The following MAP3K1 variants were observed in gnomAD, a reference collection of about 807,000 sequenced individuals.
MAP3K1 encodes mitogen-activated protein kinase kinase kinase 1.
In MAP3K1, 36 loss-of-function variants were observed where a neutral mutation model predicts 144.2. The ratio of observed to expected loss-of-function variants is 0.25; its 90% CI spans 0.19 to 0.33. MAP3K1 has a LOEUF of 0.33. MAP3K1 is among the 10% of genes least tolerant of loss of function. The pLI, the probability that MAP3K1 is intolerant of heterozygous loss-of-function variation, is 1.00. For missense variants in MAP3K1, 1,650 were observed against 1,881.9 expected (o/e 0.88, Z 2.28); for synonymous variants, 718 against 688.7 (o/e 1.04, Z -0.67).
intron 5 of MAP3K1, 130 bp from the exon 6 acceptor site, chr5:56,865,699 T>C: frequency 9.7e-7 from 1 of 1,026,002 alleles, no homozygotes; most frequent in Non-Finnish European, 1.5e-6. Flanking sequence ...AATGTGTTCT[T>C]ATTTTTGAAG....
At chr5:56,884,385 G>T (rs1268063048) in intron 15 of MAP3K1, among the ~76,000 whole-genome samples, 1 of 152,088 alleles carries the variant, frequency 6.6e-6, no homozygotes, top group African/African-American at 2.4e-5. Flanking sequence ...AAATCATGTT[G>T]ATTCTTCTCC....
In MAP3K1 at chr5:56,882,891, T is replaced by C. The variant is rs78385313; in HGVS notation, c.3666+25T>C. On this transcript the variant is annotated intron_variant, in intron 14 of 19. Transcript: ENST00000399503. ...TGTAAGTATAGATTCTTTAAGAGGTTAGAAAACTTCCTTGGGGCTGGGCAC... is the reference window on the plus strand; with the variant it reads ...TGTAAGTATAGATTCTTTAAGAGGTCAGAAAACTTCCTTGGGGCTGGGCAC... 7,580 of 1,576,470 alleles carry C rather than the reference T, an allele frequency of 4.8e-3. 21 individuals carry two copies. Among genetic ancestry groups the C allele is most frequent in the Non-Finnish European group, 6.0e-3 (6,990 of 1,156,432 alleles).
intron 1 of MAP3K1, among the ~76,000 whole-genome samples, chr5:56,824,078 T>C (rs889207363): frequency 7.9e-5 from 12 of 152,202 alleles, no homozygotes; most frequent in African/African-American, 2.4e-4. Flanking sequence ...TGATCATAAT[T>C]CAACTTGGGA....
intron 1 of MAP3K1, among the ~76,000 whole-genome samples, chr5:56,853,078 A>G (rs1747225478): frequency 1.3e-5 from 2 of 152,200 alleles, no homozygotes; most frequent in South Asian, 4.1e-4. Context: ...TTCGTGGCAA[A>G]TACAATAGGA....
At position 56,882,048 on chromosome 5, in the gene MAP3K1, G is replaced by C. The variant is rs2111943513; in HGVS notation, c.2848G>C (p.Glu950Gln). Residue 950 changes from glutamate to glutamine, a missense_variant, in exon 14 of 20, where the codon GAG becomes CAG. Glu to Gln is a conservative substitution (Grantham distance 29). Around this residue, in one of 6 missense-constraint regions of MAP3K1, gnomAD observed 841 missense variants for 886.5 expected, o/e 0.95. Coordinates refer to ENST00000399503, the MANE Select transcript of MAP3K1 (RefSeq NM_005921.2). Reference protein sequence around the residue: ...SSTTTTTTTTEQPKPMVQTKG... With the variant: ...SSTTTTTTTTQQPKPMVQTKG... ...AACAACAACAACAACAACAACAACA[G>C]AGCAACCAAAGCCAATGGTTCAAAC... 1.9e-6 allele frequency: 3 copies of C among 1,608,408 alleles called. No homozygotes were observed. The highest frequency in any genetic ancestry group is 2.5e-6 in the Non-Finnish European group (3 of 1,176,518).
chr5:56,836,208 G>A (rs759430633), intron 1 of MAP3K1, among the ~76,000 whole-genome samples: 9 of 152,074 alleles, frequency 5.9e-5, no homozygotes, highest in South Asian at 4.1e-4. Flanking sequence ...ATTGTTTTCC[G>A]TCCAAGCCCT....
intron 6 of MAP3K1, among the ~76,000 whole-genome samples, chr5:56,867,138 T>C (rs2111897856): frequency 6.6e-6 from 1 of 152,324 alleles, no homozygotes; most frequent in East Asian, 1.9e-4. Flanking sequence ...AGCTCCTTTT[T>C]CCTTTTGAGT....
chr5:56,872,048 C>A lies in MAP3K1; in HGVS notation c.1423+17C>A. ...TGTCAATTTGTATGTGGCTCTTTTT[C>A]TCCCTATGCTTACTCAACACAGTTG... On this transcript the variant is annotated intron_variant, in intron 7 of 19. Transcript: ENST00000399503. 1 of 1,613,832 alleles carries A rather than the reference C, an allele frequency of 6.2e-7. No homozygotes were observed. The highest frequency in any genetic ancestry group is 8.5e-7 in the Non-Finnish European group (1 of 1,179,840).
chr5:56,882,792 T>C lies in MAP3K1; in HGVS notation c.3592T>C (p.Ser1198Pro), dbSNP rs2111948451. 1 of 1,611,844 alleles carries C rather than the reference T, an allele frequency of 6.2e-7. No homozygotes were observed. ...AGCAATTGCCATGGCAATGTCAGCGTCTCAGGATGCCCTCCCCATAGTTCC... is the reference window on the plus strand; with the variant it reads ...AGCAATTGCCATGGCAATGTCAGCGCCTCAGGATGCCCTCCCCATAGTTCC... ...ALAIAMAMSA[S>P]QDALPIVPQL... is the part of the protein sequence containing the mutation. The change falls in exon 14 of 20, where the codon TCT becomes CCT. Residue 1198 changes from serine to proline, a missense_variant. This residue lies in a region of MAP3K1 where 841 missense variants were observed against 886.5 expected (regional missense o/e 0.95). Coordinates refer to ENST00000399503, the MANE Select transcript of MAP3K1 (RefSeq NM_005921.2).
intron 1 of MAP3K1, among the ~76,000 whole-genome samples, chr5:56,831,140 T>C (rs2111781733): frequency 6.6e-6 from 1 of 152,116 alleles, no homozygotes; most frequent in East Asian, 1.9e-4. Flanking sequence ...AGTTCTGTCT[T>C]CTATAACTTT....
chr5:56,834,561 T>C (rs562359456), intron 1 of MAP3K1, among the ~76,000 whole-genome samples: 20 of 152,090 alleles, frequency 1.3e-4, no homozygotes, highest in Non-Finnish European at 2.9e-5. Flanking sequence ...TACAAAAAAT[T>C]AGCTGGGCAT....
intron 3 of MAP3K1, 75 bp downstream of exon 3, chr5:56,859,990 A>G (rs886525284): frequency 7.8e-7 from 1 of 1,275,778 alleles, no homozygotes; most frequent in African/African-American, 1.5e-5. Context: ...AAGACTGGCC[A>G]GCCATCTGTT....
At chr5:56,842,960 T>C (rs900414087) in intron 1 of MAP3K1, among the ~76,000 whole-genome samples, 4 of 152,120 alleles carry the variant, frequency 2.6e-5, no homozygotes, top group African/African-American at 9.7e-5. Flanking sequence ...CCATACTTCT[T>C]CTGTATGTGG....
At chr5:56,822,432 A>G (rs560754654) in intron 1 of MAP3K1, among the ~76,000 whole-genome samples, 70 of 152,366 alleles carry the variant, frequency 4.6e-4, no homozygotes, top group African/African-American at 1.6e-3. Flanking sequence ...TAGTTACAAA[A>G]TAATTGGAGC....
Position 56,872,909 on chromosome 5 carries a change from A to G in MAP3K1, c.1590A>G (p.Gly530=), listed in dbSNP as rs745621703. The change falls in exon 9 of 20, where the codon GGA becomes GGG. Residue 530 remains glycine (G), a synonymous_variant. Transcript: ENST00000399503. ...CCGTACAGCAGCAGCCTTTGGCTGG[A>G]TCACGAAGGAATCAAGAGAGCAATT... The part of the protein sequence containing the change: ...QQTVQQQPLA[G]SRRNQESNFN... 3 of 1,614,170 alleles carry G rather than the reference A, an allele frequency of 1.9e-6. No homozygotes were observed. The highest frequency in any genetic ancestry group is 1.7e-6 in the Non-Finnish European group (2 of 1,180,008).
intron 1 of MAP3K1, among the ~76,000 whole-genome samples, chr5:56,823,319 A>G (rs1333140334): frequency 1.3e-5 from 2 of 151,916 alleles, no homozygotes; most frequent in South Asian, 2.1e-4. Flanking sequence ...GGGCCCTCAC[A>G]TGCTCCCTCT....
chr5:56,873,165 A>G (rs1003874756), intron 9 of MAP3K1, among the ~76,000 whole-genome samples, 160 bp downstream of exon 9: 10 of 152,214 alleles, frequency 6.6e-5, no homozygotes, highest in African/African-American at 2.4e-4. Context: ...TTTTGGTATT[A>G]ATACTATACT....
intron 1 of MAP3K1, among the ~76,000 whole-genome samples, chr5:56,854,601 A>G (rs1406991504): frequency 6.6e-6 from 1 of 152,210 alleles, no homozygotes; most frequent in Non-Finnish European, 1.5e-5. Context: ...CTAAAAGATG[A>G]CAGTATTTTC....
chr5:56,827,049 G>A (rs1746339030), intron 1 of MAP3K1, among the ~76,000 whole-genome samples: 1 of 152,222 alleles, frequency 6.6e-6, no homozygotes, highest in African/African-American at 2.4e-5. Context: ...CCAGGTGAAA[G>A]GAACTTGCAA....
Sources: gnomAD v4.1 joint callset for allele counts (sites outside exome capture counted in the v4.1 genomes callset) on GRCh38, gnomAD v4.1.1 for gene constraint, gnomAD v4.1.1 regional missense constraint, MANE v1.5 for transcripts, NCBI Gene and HGNC (gene_info 2026-07-23, HGNC 2026-07-21) for gene names.